PTPRT: variants seen among roughly 807,000 people sequenced by gnomAD.
The protein encoded by PTPRT is protein tyrosine phosphatase receptor type T, also known as receptor-type tyrosine-protein phosphatase T.
A neutral mutation model predicts 176.8 loss-of-function variants in PTPRT; 56 were observed. The observed-to-expected ratio is 0.32, with a 90% CI of 0.26 to 0.40. PTPRT has a LOEUF of 0.40. PTPRT is among the 10% of genes least tolerant of loss of function. PTPRT has a pLI of 1.00. For synonymous variants in PTPRT, 783 were observed against 739.0 expected, an observed-to-expected ratio of 1.06 and a Z score of -0.96; for missense variants, 1,540 against 1,908.2, an observed-to-expected ratio of 0.81 and a Z score of 3.60.
intron 9 of PTPRT, among the ~76,000 whole-genome samples, chr20:42,413,026 T>C (rs2059032353): frequency 6.6e-6 from 1 of 152,192 alleles, no homozygotes; most frequent in African/African-American, 2.4e-5. Flanking sequence ...AAATGGTACA[T>C]TTTATTATAG....
At chr20:42,981,097 T>C (rs1983246069) in intron 1 of PTPRT, among the ~76,000 whole-genome samples, 1 of 152,220 alleles carries the variant, frequency 6.6e-6, no homozygotes. Context: ...CCTCGTCCCT[T>C]TGTTTCAGGA....
intron 7 of PTPRT, among the ~76,000 whole-genome samples, chr20:42,612,377 C>T (rs1034251045): frequency 2.0e-5 from 3 of 152,170 alleles, no homozygotes; most frequent in East Asian, 3.9e-4. Context: ...GGGAGAAACA[C>T]CCCCCACCCC....
chr20:42,552,832 C>T (rs937914642), intron 7 of PTPRT, among the ~76,000 whole-genome samples: 2 of 152,040 alleles, frequency 1.3e-5, no homozygotes, highest in African/African-American at 4.8e-5. Flanking sequence ...AGCCAGGAAG[C>T]ATGAACAACA....
intron 2 of PTPRT, among the ~76,000 whole-genome samples, chr20:42,799,724 C>T (rs1012827583): frequency 4.6e-5 from 7 of 152,224 alleles, no homozygotes; most frequent in African/African-American, 1.7e-4. Flanking sequence ...GACTCTTCAC[C>T]TCTTCCTATG....
chr20:42,995,087 C>T (rs1337975766), intron 1 of PTPRT, among the ~76,000 whole-genome samples: 1 of 152,208 alleles, frequency 6.6e-6, no homozygotes, highest in Non-Finnish European at 1.5e-5. Flanking sequence ...CAGGACATGA[C>T]TAAGATGAAA....
chr20:42,281,359 CA>C (rs1304736461), intron 13 of PTPRT, among the ~76,000 whole-genome samples: 1 of 152,146 alleles, frequency 6.6e-6, no homozygotes, highest in Non-Finnish European at 1.5e-5. Flanking sequence ...CTTCTTATCA[CA>C]GGGAGCCCTA....
chr20:43,020,136 ATG>A (rs1985598683), intron 1 of PTPRT, among the ~76,000 whole-genome samples: 1 of 145,906 alleles, frequency 6.9e-6, no homozygotes, highest in African/African-American at 2.5e-5. Flanking sequence ...ATACATATGC[ATG>A]TGTGTGTACA....
intron 2 of PTPRT, among the ~76,000 whole-genome samples, chr20:42,860,240 T>A (rs1029711236): frequency 1.3e-5 from 2 of 152,170 alleles, no homozygotes; most frequent in African/African-American, 4.8e-5. Context: ...CACACCCCTC[T>A]GTTTTAAGGA....
intron 9 of PTPRT, among the ~76,000 whole-genome samples, chr20:42,395,338 G>A (rs1001316868): frequency 8.5e-5 from 13 of 152,104 alleles, no homozygotes; most frequent in African/African-American, 2.7e-4. Flanking sequence ...TTTTTCTACA[G>A]CAGAAGGACC....
At position 42,280,624 on chromosome 20, in the gene PTPRT, C is replaced by A. The variant is rs537024007; in HGVS notation, c.2176+1865G>T. 1.4e-4 allele frequency among the ~76,000 whole-genome samples: 21 copies of A among 152,160 alleles called. No homozygotes were observed. In the South Asian group the frequency reaches 3.9e-3, roughly 29 times the overall value. ...CCATTCACTTAAGGAAAGATGGTAA[C>A]CTAAAGCTCAAGCAAGAGGGGAAGC... On this transcript the variant is annotated intron_variant, in intron 13 of 30. Transcript: ENST00000373187.
intron 1 of PTPRT, among the ~76,000 whole-genome samples, chr20:43,069,131 C>G (rs2011149159): frequency 6.6e-6 from 1 of 152,198 alleles, no homozygotes; most frequent in African/African-American, 2.4e-5. Flanking sequence ...ACAGCACAGA[C>G]AGCATCCAAT....
At chr20:42,324,183 C>A (rs1036206440) in intron 11 of PTPRT, among the ~76,000 whole-genome samples, 5 of 152,084 alleles carry the variant, frequency 3.3e-5, no homozygotes, top group African/African-American at 1.2e-4. Flanking sequence ...GAATATTATT[C>A]AGTAACAAAA....
chr20:42,254,849 C>T (rs2056610058), intron 13 of PTPRT, among the ~76,000 whole-genome samples: 1 of 152,186 alleles, frequency 6.6e-6, no homozygotes. Context: ...GCCCTGAGGA[C>T]CTCATGTCTA....
At chr20:42,044,685 C>T in the PTPRT span, among the ~76,000 whole-genome samples, 18 of 152,190 alleles carry the variant, frequency 1.2e-4, no homozygotes, top group Admixed American at 9.8e-4. Context: ...TCTGTAAGAA[C>T]TCACTTAATC....
chr20:42,733,175 A>C (rs1345292755), intron 6 of PTPRT, among the ~76,000 whole-genome samples: 1 of 152,188 alleles, frequency 6.6e-6, no homozygotes, highest in Non-Finnish European at 1.5e-5. Context: ...CCTGCAGATG[A>C]CGTGTACATT....
At chr20:42,124,368 G>A (rs1304540366) in intron 19 of PTPRT, among the ~76,000 whole-genome samples, 1 of 152,242 alleles carries the variant, frequency 6.6e-6, no homozygotes, top group Non-Finnish European at 1.5e-5. Flanking sequence ...CTGCACTCAT[G>A]CATCTGTTAC....
chr20:43,054,334 G>A (rs138459488), intron 1 of PTPRT, among the ~76,000 whole-genome samples: 1 of 152,094 alleles, frequency 6.6e-6, no homozygotes, highest in East Asian at 1.9e-4. Context: ...TGGGCAGATG[G>A]CTTGAATCCA....
chr20:42,251,079 C>T (rs1480815666), intron 13 of PTPRT, among the ~76,000 whole-genome samples: 1 of 152,182 alleles, frequency 6.6e-6, no homozygotes, highest in Non-Finnish European at 1.5e-5. Context: ...GTGGCTAATC[C>T]ACAATGTAGC....
At position 42,510,938 on chromosome 20, in the gene PTPRT, G is replaced by A. The variant is rs1378015449; in HGVS notation, c.1154-38376C>T. ...CCCAATGTGGCAATCACTGAGAGGC[G>A]GGCCTTTAAGAAGTGAATGAATCAT... On this transcript the variant is annotated intron_variant, in intron 7 of 30. Coordinates refer to ENST00000373187, the MANE Select transcript of PTPRT (RefSeq NM_007050.6). Among the ~76,000 whole-genome samples the A allele has an allele frequency of 5.9e-5, 9 of 152,202 alleles. No individual in the cohort carries two copies. In the South Asian group the frequency reaches 6.2e-4, roughly 11 times the overall value.
Sources: allele counts gnomAD v4.1 joint callset (sites outside exome capture counted in the v4.1 genomes callset), GRCh38; gene constraint gnomAD v4.1.1; transcripts MANE v1.5; gene names NCBI Gene and HGNC (gene_info 2026-07-23, HGNC 2026-07-21).